The following CTNNA3 variants were observed in gnomAD, a reference collection of about 807,000 sequenced individuals.
The protein encoded by CTNNA3 is catenin alpha-3.
In CTNNA3, 76 loss-of-function variants were observed where a neutral mutation model predicts 95.7. The observed-to-expected ratio is 0.79, with a 90% CI of 0.66 to 0.96. CTNNA3 has a LOEUF of 0.96. Among genes scored for constraint, CTNNA3 ranks in the 40% least tolerant of loss-of-function variants. The pLI is 0.00. For missense variants in CTNNA3, 1,191 were observed against 1,089.8 expected (o/e 1.09, Z -1.31); for synonymous variants, 431 against 374.4 (o/e 1.15, Z -1.74).
intron 7 of CTNNA3, among the ~76,000 whole-genome samples, chr10:66,988,620 A>G (rs1850863387): frequency 6.6e-6 from 1 of 152,148 alleles, no homozygotes; most frequent in African/African-American, 2.4e-5. Context: ...TTTGTTTGAT[A>G]CACTATGTTA....
intron 13 of CTNNA3, among the ~76,000 whole-genome samples, chr10:66,136,326 A>C (rs1408290399): frequency 1.3e-5 from 2 of 152,212 alleles, no homozygotes; most frequent in Admixed American, 1.3e-4. Flanking sequence ...TTGGTTGTTA[A>C]GTGATGAATA....
intron 12 of CTNNA3, among the ~76,000 whole-genome samples, chr10:66,290,621 A>G (rs1315828851): frequency 6.6e-6 from 1 of 152,136 alleles, no homozygotes; most frequent in Admixed American, 6.6e-5. Flanking sequence ...TCTTCATAAG[A>G]CTATTTATTT....
chr10:67,316,134 T>C (rs1016207595), intron 5 of CTNNA3, among the ~76,000 whole-genome samples: 3 of 152,164 alleles, frequency 2.0e-5, no homozygotes, highest in Non-Finnish European at 2.9e-5. Context: ...TTTCAATCTC[T>C]CTTTCTTATG....
chr10:66,912,781 A>G (rs1846275435), intron 7 of CTNNA3, among the ~76,000 whole-genome samples: 1 of 152,192 alleles, frequency 6.6e-6, no homozygotes, highest in African/African-American at 2.4e-5. Flanking sequence ...CAAAGTGATG[A>G]TTCAAAATTC....
rs776370176 is a variant in CTNNA3 at position 67,647,537 on chromosome 10, G to T, written c.-5-19C>A. The T allele has an allele frequency of 6.3e-6, 10 of 1,592,196 alleles. No individual in the cohort carries two copies. In the East Asian group the frequency reaches 2.2e-4, roughly 36 times the overall value. ...ATGCTGCCTGTGCACAAACACAAAA[G>T]GATGCTTATTAATAAAGAAAACTGT... On this transcript the variant is annotated intron_variant, in intron 1 of 17. Coordinates refer to ENST00000433211, the MANE Select transcript of CTNNA3 (RefSeq NM_013266.4).
chr10:66,787,552 G>T (rs1482177553), intron 7 of CTNNA3, among the ~76,000 whole-genome samples: 1 of 152,064 alleles, frequency 6.6e-6, no homozygotes, highest in Non-Finnish European at 1.5e-5. Context: ...TTAATGTAGG[G>T]AGGAAGGAGT....
At position 67,409,976 on chromosome 10, in the gene CTNNA3, A is replaced by C. The variant is rs1454609358; in HGVS notation, c.579+111866T>G. Among the ~76,000 whole-genome samples the C allele has an allele frequency of 2.0e-5, 3 of 152,124 alleles. No individual in the cohort carries two copies. The East Asian group carries it at 5.8e-4, about 29-fold the overall frequency. On this transcript the variant is annotated intron_variant, in intron 5 of 17. Transcript: ENST00000433211. ...ATTCCTCAAAGACCTAAAGACAAAA[A>C]TACCACTGGACCCAGCAATCCCATT... is the stretch of plus-strand genomic sequence containing the variant.
At chr10:66,822,614 A>G (rs1842341958) in intron 7 of CTNNA3, among the ~76,000 whole-genome samples, 1 of 152,210 alleles carries the variant, frequency 6.6e-6, no homozygotes, top group Admixed American at 6.5e-5. Context: ...CACTTCCAGT[A>G]ACCTGTAATT....
At chr10:67,346,707 T>C (rs778888456) in intron 5 of CTNNA3, 8 of 513,774 alleles carry the variant, frequency 1.6e-5, no homozygotes, top group Admixed American at 9.8e-5. Flanking sequence ...AGTTCATTAA[T>C]AGAAATAATC....
At chr10:67,536,532 A>G (rs1840491595) in intron 4 of CTNNA3, among the ~76,000 whole-genome samples, 1 of 152,128 alleles carries the variant, frequency 6.6e-6, no homozygotes, top group African/African-American at 2.4e-5. Flanking sequence ...TTTCTCCACT[A>G]TGATTCTTTT....
chr10:66,572,465 A>G (rs941524348), intron 10 of CTNNA3, among the ~76,000 whole-genome samples: 12 of 151,908 alleles, frequency 7.9e-5, no homozygotes, highest in African/African-American at 2.9e-4. Context: ...CTATATGTCT[A>G]TCTCTACATC....
At chr10:66,533,007 G>T (rs1006665584) in intron 10 of CTNNA3, among the ~76,000 whole-genome samples, 8 of 152,050 alleles carry the variant, frequency 5.3e-5, no homozygotes, top group Admixed American at 4.6e-4. Context: ...TTATCTCTCA[G>T]TGACAACTGA....
At chr10:67,387,148 A>C (rs1274193399) in intron 5 of CTNNA3, among the ~76,000 whole-genome samples, 1 of 152,104 alleles carries the variant, frequency 6.6e-6, no homozygotes, top group Admixed American at 6.5e-5. Flanking sequence ...CTGAGGTACC[A>C]GGTTCATCTC....
chr10:66,104,014 A>G (rs1195987186), intron 13 of CTNNA3, among the ~76,000 whole-genome samples: 1 of 152,218 alleles, frequency 6.6e-6, no homozygotes, highest in Non-Finnish European at 1.5e-5. Context: ...CAGTTGATAA[A>G]TGCATTAGAT....
chr10:67,460,580 G>A lies in CTNNA3; in HGVS notation c.579+61262C>T, dbSNP rs562858751. Among the ~76,000 whole-genome samples, 6 of 152,122 alleles carry A rather than the reference G, an allele frequency of 3.9e-5. No homozygotes were observed. In the South Asian group the frequency reaches 1.2e-3, roughly 32 times the overall value. On this transcript the variant is annotated intron_variant, in intron 5 of 17. Coordinates refer to ENST00000433211, the MANE Select transcript of CTNNA3 (RefSeq NM_013266.4). Reference sequence around the variant, plus strand: ...ATTTCAAAACGAAACAGCATAAATAGCTTACTTTTTCATTTTATTACTTTT... The same window carrying A: ...ATTTCAAAACGAAACAGCATAAATAACTTACTTTTTCATTTTATTACTTTT...
Position 66,330,709 on chromosome 10 carries a change from C to T in CTNNA3, c.1732+48443G>A, listed in dbSNP as rs572355431. Among the ~76,000 whole-genome samples, 25 of 152,122 alleles carry T rather than the reference C, an allele frequency of 1.6e-4. No homozygotes were observed. The East Asian group carries it at 3.5e-3, about 21-fold the overall frequency. On this transcript the variant is annotated intron_variant, in intron 12 of 17. Coordinates refer to ENST00000433211, the MANE Select transcript of CTNNA3 (RefSeq NM_013266.4). ...CCAACAGTGTAAAAGTGTTCCTATT[C>T]CTCCACATCCTCTCCAGCACCTGTA...
At chr10:66,631,742 T>C (rs1263937073) in intron 9 of CTNNA3, among the ~76,000 whole-genome samples, 1 of 142,800 alleles carries the variant, frequency 7.0e-6, no homozygotes, top group Non-Finnish European at 1.5e-5. Flanking sequence ...CTCAAGGTTC[T>C]AGTAAATCTA....
At chr10:66,251,561 G>A (rs2090553749) in intron 13 of CTNNA3, among the ~76,000 whole-genome samples, 1 of 151,970 alleles carries the variant, frequency 6.6e-6, no homozygotes, top group African/African-American at 2.4e-5. Flanking sequence ...CCAACCTCTT[G>A]TAATCCAGAA....
At chr10:66,448,734 G>A (rs147387318) in intron 11 of CTNNA3, among the ~76,000 whole-genome samples, 1,580 of 152,042 alleles carry the variant, frequency 0.01, 17 homozygotes, top group Admixed American at 0.018. Flanking sequence ...GTTAAATGAC[G>A]AGTTAATGGG....
Sources: allele counts gnomAD v4.1 joint callset (sites outside exome capture counted in the v4.1 genomes callset), GRCh38; gene constraint gnomAD v4.1.1; transcripts MANE v1.5; gene names NCBI Gene and HGNC (gene_info 2026-07-23, HGNC 2026-07-21).